The following USP24 variants were observed in gnomAD, a reference collection of about 807,000 sequenced individuals.
The protein encoded by USP24 is ubiquitin carboxyl-terminal hydrolase 24.
A neutral mutation model predicts 361.6 loss-of-function variants in USP24; 97 were observed. That is an observed-to-expected ratio of 0.27 (90% confidence interval 0.23 to 0.32). The LOEUF is 0.32. USP24 is among the 10% of genes least tolerant of loss of function. The pLI is 1.00. For missense variants in USP24, 2,353 were observed against 3,165.6 expected (o/e 0.74, Z 6.16); for synonymous variants, 1,098 against 1,124.6 (o/e 0.98, Z 0.47).
chr1:55,104,546 G>A (rs967048722), intron 41 of USP24, among the ~76,000 whole-genome samples: 1 of 152,164 alleles, frequency 6.6e-6, no homozygotes, highest in African/African-American at 2.4e-5. Context: ...CAAGCATTCT[G>A]CATGAAATCA....
At chr1:55,111,419 G>A (rs1247738929) in intron 38 of USP24, among the ~76,000 whole-genome samples, 1 of 151,988 alleles carries the variant, frequency 6.6e-6, no homozygotes, top group African/African-American at 2.4e-5. Flanking sequence ...TATATTAAGT[G>A]AACTGACTTA....
At chr1:55,152,477 T>C (rs1407656381) in intron 16 of USP24, among the ~76,000 whole-genome samples, 1 of 152,204 alleles carries the variant, frequency 6.6e-6, no homozygotes, top group East Asian at 1.9e-4. Flanking sequence ...GCTTTGACCT[T>C]TTATATATAA....
chr1:55,106,074 C>T, intron 41 of USP24, 72 bp downstream of exon 41: 13 of 1,208,432 alleles, frequency 1.1e-5, no homozygotes, highest in Non-Finnish European at 1.6e-5. Flanking sequence ...TCCAAGTTAA[C>T]AAAATCTTTT....
At position 55,089,755 on chromosome 1, in the gene USP24, A is replaced by G. The variant is rs756703934; in HGVS notation, c.6555-15T>C. 7.1e-6 allele frequency: 11 copies of G among 1,558,752 alleles called. No individual in the cohort carries two copies. The highest frequency in any genetic ancestry group is 9.6e-6 in the Non-Finnish European group (11 of 1,146,790). Reference sequence around the variant, plus strand: ...CAGTATCAACCCTTTAAAAAAAAGCAGATACAGCAATGTTAGGAGCATAAG... The same window carrying G: ...CAGTATCAACCCTTTAAAAAAAAGCGGATACAGCAATGTTAGGAGCATAAG... On this transcript the variant is annotated splice_polypyrimidine_tract_variant and intron_variant, in intron 54 of 67. Coordinates refer to ENST00000294383, the MANE Select transcript of USP24 (RefSeq NM_015306.3).
chr1:55,104,045 T>C, intron 41 of USP24, 25 bp from the exon 42 acceptor site: 1 of 1,580,922 alleles, frequency 6.3e-7, no homozygotes, highest in Non-Finnish European at 8.6e-7. Flanking sequence ...CACAAGTCAA[T>C]TTCAACAATG....
Position 55,069,180 on chromosome 1 carries a change from A to T in USP24, c.7801-73T>A, listed in dbSNP as rs1024288200. ...TTTTCTATGCTGACTTGTGTTCTGC[A>T]ATTTAAACATGTCTTCATCTGGCAA... On this transcript the variant is annotated intron_variant, in intron 67 of 67. Transcript: ENST00000294383. 2.0e-6 allele frequency: 3 copies of T among 1,484,828 alleles called. No individual in the cohort carries two copies. The African/African-American group carries it at 4.2e-5, about 21-fold the overall frequency. The allele number at this position is 1,484,828 out of a possible 1,614,324, so 92.0% of individuals were successfully genotyped here.
chr1:55,130,139 T>C (rs530655724), intron 31 of USP24, among the ~76,000 whole-genome samples: 1 of 152,356 alleles, frequency 6.6e-6, no homozygotes, highest in East Asian at 1.9e-4. Context: ...TGCCCTTCTA[T>C]GACACCGCAA....
chr1:55,147,321 T>C (rs556590589), intron 18 of USP24, among the ~76,000 whole-genome samples: 14 of 152,258 alleles, frequency 9.2e-5, no homozygotes, highest in African/African-American at 3.1e-4. Flanking sequence ...AGTAAAACAC[T>C]ACAAACTCAC....
At chr1:55,169,844 G>T (rs1450841763) in intron 5 of USP24, among the ~76,000 whole-genome samples, 5 of 152,074 alleles carry the variant, frequency 3.3e-5, no homozygotes, top group Non-Finnish European at 7.4e-5. Flanking sequence ...ACTTTACCGG[G>T]TAAAAAATGA....
At chr1:55,126,420 T>C (rs1279594208) in intron 32 of USP24, among the ~76,000 whole-genome samples, 1 of 152,220 alleles carries the variant, frequency 6.6e-6, no homozygotes, top group Non-Finnish European at 1.5e-5. Context: ...TTTATTTTTC[T>C]CTACAGCTCT....
intron 19 of USP24, 88 bp from the exon 20 acceptor site, chr1:55,146,197 A>G: frequency 1.1e-6 from 1 of 893,594 alleles, no homozygotes; most frequent in Non-Finnish European, 1.8e-6. Context: ...GATACATTTT[A>G]ATACTTCAAA....
chr1:55,174,288 G>A (rs973279535), intron 3 of USP24, among the ~76,000 whole-genome samples: 3 of 152,176 alleles, frequency 2.0e-5, no homozygotes, highest in Admixed American at 6.5e-5. Context: ...ACACAGCTAG[G>A]TAAGTAGTAC....
intron 32 of USP24, among the ~76,000 whole-genome samples, chr1:55,127,186 T>G (rs1458670175): frequency 6.6e-6 from 1 of 151,960 alleles, no homozygotes; most frequent in Non-Finnish European, 1.5e-5. Flanking sequence ...CATTTAGCAT[T>G]AGGTATATCT....
At chr1:55,178,326 G>A (rs1463019741) in intron 1 of USP24, among the ~76,000 whole-genome samples, 194 bp from the exon 2 acceptor site, 3 of 151,792 alleles carry the variant, frequency 2.0e-5, no homozygotes, top group African/African-American at 7.3e-5. Context: ...TATCATTTTG[G>A]CATCTCTACT....
intron 1 of USP24, among the ~76,000 whole-genome samples, chr1:55,191,494 C>CTTTTTTT (rs34179339): frequency 7.0e-6 from 1 of 141,964 alleles, no homozygotes; most frequent in African/African-American, 2.6e-5. Flanking sequence ...ATGGCACTTT[C>CTTTTTTT]TTTTTTTTTT....
intron 51 of USP24, 28 bp downstream of exon 51, chr1:55,095,227 C>G: frequency 6.2e-7 from 1 of 1,609,382 alleles, no homozygotes; most frequent in Non-Finnish European, 8.5e-7. Context: ...AGAAATCACA[C>G]AGCAAATTAC....
At position 55,069,120 on chromosome 1, in the gene USP24, A is replaced by T. The variant is rs747600158; in HGVS notation, c.7801-13T>A. The T allele has an allele frequency of 6.2e-7, 1 of 1,613,926 alleles. No individual in the cohort carries two copies. ...GAGATTCTGAACCCTGCAGAAAAGAAAAGGAAGTTAAAGTTCATACGGTTA... is the reference window on the plus strand; with the variant it reads ...GAGATTCTGAACCCTGCAGAAAAGATAAGGAAGTTAAAGTTCATACGGTTA... On this transcript the variant is annotated splice_polypyrimidine_tract_variant and intron_variant, in intron 67 of 67. Coordinates refer to ENST00000294383, the MANE Select transcript of USP24 (RefSeq NM_015306.3).
At chr1:55,134,517 G>A (rs1228996274) in intron 28 of USP24, 104 bp from the exon 29 acceptor site, 15 of 1,020,254 alleles carry the variant, frequency 1.5e-5, no homozygotes, top group Non-Finnish European at 2.2e-5. Flanking sequence ...AAGGCTGGCT[G>A]GTCACTGTAA....
At chr1:55,092,797 C>A in intron 53 of USP24, 24 bp downstream of exon 53, 1 of 1,475,614 alleles carries the variant, frequency 6.8e-7, no homozygotes, top group South Asian at 1.2e-5. Flanking sequence ...TTTCTTATTT[C>A]TAACAATCCA....
Sources: gnomAD v4.1 joint callset for allele counts (sites outside exome capture counted in the v4.1 genomes callset) on GRCh38, gnomAD v4.1.1 for gene constraint, MANE v1.5 for transcripts, NCBI Gene and HGNC (gene_info 2026-07-23, HGNC 2026-07-21) for gene names.